SPOCK1: variants seen among roughly 807,000 people sequenced by gnomAD.
The protein encoded by SPOCK1 is testican-1.
A neutral mutation model predicts 55.3 loss-of-function variants in SPOCK1; 23 were observed. The ratio of observed to expected loss-of-function variants is 0.42; its 90% CI spans 0.30 to 0.59. SPOCK1 has a LOEUF of 0.59. Ranked by LOEUF, SPOCK1 falls within the 20% of genes least tolerant of loss-of-function variation. SPOCK1 has a pLI of 0.22. For missense variants in SPOCK1, 499 were observed against 552.5 expected (o/e 0.90, Z 0.97); for synonymous variants, 226 against 221.0 (o/e 1.02, Z -0.20).
chr5:137,282,843 C>G (rs1757192643), intron 2 of SPOCK1, among the ~76,000 whole-genome samples: 1 of 152,214 alleles, frequency 6.6e-6, no homozygotes, highest in African/African-American at 2.4e-5. Flanking sequence ...GCACTAGACT[C>G]TAGCTCCTCT....
intron 2 of SPOCK1, among the ~76,000 whole-genome samples, chr5:137,469,946 C>T (rs146287149): frequency 6.6e-6 from 1 of 152,290 alleles, no homozygotes; most frequent in African/African-American, 2.4e-5. Flanking sequence ...TTTGACATTC[C>T]CATCTGGGAC....
intron 3 of SPOCK1, among the ~76,000 whole-genome samples, chr5:137,165,613 C>T (rs1754635195): frequency 6.6e-6 from 1 of 152,088 alleles, no homozygotes; most frequent in Non-Finnish European, 1.5e-5. Context: ...AAATATGTGA[C>T]CTTTCAGACA....
chr5:137,233,211 T>G (rs1756100749), intron 3 of SPOCK1, among the ~76,000 whole-genome samples: 1 of 152,230 alleles, frequency 6.6e-6, no homozygotes. Context: ...TGTACTTTAT[T>G]TCTATTATTA....
intron 3 of SPOCK1, among the ~76,000 whole-genome samples, chr5:137,155,119 G>A (rs530910186): frequency 1.1e-4 from 17 of 152,228 alleles, no homozygotes; most frequent in South Asian, 2.1e-4. Flanking sequence ...GCAAGTCCTC[G>A]GTAAGTGTTA....
At chr5:137,467,261 C>T (rs775695966) in intron 2 of SPOCK1, among the ~76,000 whole-genome samples, 2 of 152,236 alleles carry the variant, frequency 1.3e-5, no homozygotes, top group African/African-American at 4.8e-5. Context: ...AGATGAGTCA[C>T]TAGGTCCAGC....
chr5:137,058,145 A>G (rs1020375211), intron 6 of SPOCK1, among the ~76,000 whole-genome samples: 18 of 152,232 alleles, frequency 1.2e-4, no homozygotes, highest in African/African-American at 4.1e-4. Flanking sequence ...CACGTGTGGA[A>G]GAGTGGGGTG....
At chr5:136,979,020 T>G (rs1448634538) in intron 10 of SPOCK1, among the ~76,000 whole-genome samples, 176 bp from the exon 11 acceptor site, 1 of 152,168 alleles carries the variant, frequency 6.6e-6, no homozygotes, top group African/African-American at 2.4e-5. Context: ...TTTGTTCTCG[T>G]AAGAGCCCTA....
intron 3 of SPOCK1, among the ~76,000 whole-genome samples, chr5:137,193,248 G>C (rs1755222897): frequency 6.6e-6 from 1 of 152,240 alleles, no homozygotes; most frequent in East Asian, 1.9e-4. Context: ...GACCAATTAG[G>C]AGGTTGCTGC....
intron 5 of SPOCK1, among the ~76,000 whole-genome samples, chr5:137,090,276 C>T (rs1193505748): frequency 2.6e-5 from 4 of 152,220 alleles, no homozygotes; most frequent in Admixed American, 1.3e-4. Flanking sequence ...AAAACTGCTA[C>T]GTAATTTCTA....
chr5:137,248,668 C>A (rs1484221818), intron 3 of SPOCK1, among the ~76,000 whole-genome samples: 1 of 152,176 alleles, frequency 6.6e-6, no homozygotes, highest in African/African-American at 2.4e-5. Flanking sequence ...CGCATCCGCA[C>A]AGATAGAGAT....
intron 3 of SPOCK1, among the ~76,000 whole-genome samples, chr5:137,212,942 G>T (rs763444832): frequency 6.6e-6 from 1 of 152,188 alleles, no homozygotes; most frequent in Non-Finnish European, 1.5e-5. Context: ...GACTCAAGCT[G>T]CTGCTGACCA....
At chr5:137,152,612 C>T (rs545055708) in intron 3 of SPOCK1, among the ~76,000 whole-genome samples, 2 of 152,302 alleles carry the variant, frequency 1.3e-5, no homozygotes, top group South Asian at 4.1e-4. Flanking sequence ...CAGCAAAATT[C>T]TTTCCACCGG....
At chr5:137,472,492 C>T (rs12654471) in intron 2 of SPOCK1, among the ~76,000 whole-genome samples, 7,572 of 152,228 alleles carry the variant, frequency 0.05, 338 homozygotes, top group African/African-American at 0.12. Context: ...TAGGCACTCA[C>T]GTGTGCTGCT....
chr5:137,372,923 T>C (rs973656641), intron 2 of SPOCK1, among the ~76,000 whole-genome samples: 17 of 152,334 alleles, frequency 1.1e-4, no homozygotes, highest in African/African-American at 4.1e-4. Context: ...AGCTACAGTT[T>C]GTGGTATGAT....
At chr5:137,271,267 G>A (rs1375221859) in intron 2 of SPOCK1, among the ~76,000 whole-genome samples, 1 of 151,116 alleles carries the variant, frequency 6.6e-6, no homozygotes, top group Admixed American at 6.6e-5. Context: ...TGAAATTATT[G>A]GCACTCGATG....
At chr5:137,474,079 G>A (rs1363625411) in intron 2 of SPOCK1, among the ~76,000 whole-genome samples, 1 of 152,144 alleles carries the variant, frequency 6.6e-6, no homozygotes, top group Non-Finnish European at 1.5e-5. Flanking sequence ...ATGTGACTTT[G>A]GAGACTTGGG....
chr5:137,098,396 C>A (rs2069497257), intron 5 of SPOCK1, among the ~76,000 whole-genome samples: 1 of 152,188 alleles, frequency 6.6e-6, no homozygotes, highest in Non-Finnish European at 1.5e-5. Context: ...TCCTCAGAAC[C>A]AGGCAGCAAC....
At chr5:137,350,997 G>A (rs922534622) in intron 2 of SPOCK1, among the ~76,000 whole-genome samples, 4 of 152,122 alleles carry the variant, frequency 2.6e-5, no homozygotes, top group African/African-American at 7.2e-5. Flanking sequence ...ATGACTCAGC[G>A]GAATGTAGGT....
chr5:137,378,047 T>C (rs1448109413), intron 2 of SPOCK1, among the ~76,000 whole-genome samples: 3 of 146,580 alleles, frequency 2.0e-5, no homozygotes, highest in Non-Finnish European at 4.5e-5. Flanking sequence ...TGGGTTCAAG[T>C]GATTCTCCTG....
Sources: gnomAD v4.1 joint callset for allele counts (sites outside exome capture counted in the v4.1 genomes callset) on GRCh38, gnomAD v4.1.1 for gene constraint, MANE v1.5 for transcripts, NCBI Gene and HGNC (gene_info 2026-07-23, HGNC 2026-07-21) for gene names.